Variants in SLC25A26 observed in about 807,000 individuals in gnomAD.
SLC25A26 encodes the protein solute carrier family 25 member 26.
In SLC25A26, 36 loss-of-function variants were observed where a neutral mutation model predicts 37.8. That is an observed-to-expected ratio of 0.95 (90% CI 0.73 to 1.26). The LOEUF (loss-of-function observed/expected upper bound fraction) is 1.26, where lower values mean the gene tolerates loss of function less well. Among genes scored for constraint, SLC25A26 ranks in the 50% most tolerant of loss-of-function variants. SLC25A26 has a pLI of 0.00. For synonymous variants in SLC25A26, 129 were observed against 122.5 expected (o/e 1.05, Z -0.35); for missense variants, 390 against 331.1 (o/e 1.18, Z -1.38).
At chr3:66,287,045 C>G (rs35709246) in intron 5 of SLC25A26, among the ~76,000 whole-genome samples, 56,534 of 151,926 alleles carry the variant, frequency 0.37, 12,452 homozygotes, top group East Asian at 0.64. Flanking sequence ...GCCTGCAATC[C>G]CAGTGCTTTG....
intron 1 of SLC25A26, 126 bp downstream of exon 1, chr3:66,221,253 C>A: frequency 9.2e-7 from 1 of 1,085,580 alleles, no homozygotes; most frequent in Non-Finnish European, 1.3e-6. Flanking sequence ...TACTGGCAGC[C>A]AGGTCTGAGA....
intron 9 of SLC25A26, chr3:66,371,275 C>T: frequency 1.3e-6 from 2 of 1,549,506 alleles, no homozygotes; most frequent in Non-Finnish European, 1.7e-6. Flanking sequence ...TCGGCAGCTG[C>T]CTGGACTTCG....
chr3:66,299,226 C>T (rs1200152982), intron 5 of SLC25A26, among the ~76,000 whole-genome samples: 1 of 152,178 alleles, frequency 6.6e-6, no homozygotes, highest in African/African-American at 2.4e-5. Context: ...AAGTTTCCCT[C>T]TGTCACCCAG....
At chr3:66,182,986 C>T (rs149008153) in intron 1 of SLC25A26, among the ~76,000 whole-genome samples, 41 of 152,140 alleles carry the variant, frequency 2.7e-4, no homozygotes, top group African/African-American at 9.4e-4. Flanking sequence ...GCAGGGGATG[C>T]GGAGGATCAA....
intron 1 of SLC25A26, among the ~76,000 whole-genome samples, chr3:66,209,262 G>A (rs1413849696): frequency 7.3e-6 from 1 of 137,902 alleles, no homozygotes; most frequent in Admixed American, 7.6e-5. Context: ...GTATATATAT[G>A]TGTGTATATA....
intron 1 of SLC25A26, among the ~76,000 whole-genome samples, chr3:66,189,765 G>A (rs2070901282): frequency 1.3e-5 from 2 of 152,028 alleles, no homozygotes; most frequent in African/African-American, 4.8e-5. Context: ...GGGCTCAAGC[G>A]ACTTTCCCTC....
chr3:66,365,003 A>G (rs954075394), intron 7 of SLC25A26, among the ~76,000 whole-genome samples: 2 of 152,204 alleles, frequency 1.3e-5, no homozygotes, highest in Non-Finnish European at 2.9e-5. Context: ...CTGTTGATCC[A>G]GAGGAGGTTA....
At chr3:66,371,740 C>T (rs1700355019) in intron 9 of SLC25A26, among the ~76,000 whole-genome samples, 1 of 152,058 alleles carries the variant, frequency 6.6e-6, no homozygotes, top group South Asian at 2.1e-4. Context: ...GCCAGTTCCA[C>T]AGCAAACAAA....
At chr3:66,346,322 C>G (rs1292823236) in intron 5 of SLC25A26, 42 bp from the exon 6 acceptor site, 3 of 1,195,402 alleles carry the variant, frequency 2.5e-6, no homozygotes, top group East Asian at 2.6e-5. Flanking sequence ...AAACTTGGCT[C>G]TTTTTTGCCT....
rs1385414195 is a variant in SLC25A26, at chr3:66,190,885, CTCTTA to C, written c.-353-29852_-353-29848del. On this transcript the variant is annotated intron_variant, in intron 1 of 10. Transcript: ENST00000676754. ...ATTTTCACATATATAGCATAGGTTC[CTCTTA>C]TCTTGTTCTGATTCACAGGAAGAAA... 2.3e-4 allele frequency among the ~76,000 whole-genome samples: 35 copies of C among 152,292 alleles called. 1 individual carries two copies. The South Asian group carries it at 6.6e-3, about 29-fold the overall frequency.
intron 6 of SLC25A26, among the ~76,000 whole-genome samples, chr3:66,347,309 C>A (rs537625131): frequency 6.6e-6 from 1 of 152,060 alleles, no homozygotes; most frequent in African/African-American, 2.4e-5. Context: ...AAAAAGTGAG[C>A]GAAGGACATG....
rs60242486 is a variant in SLC25A26, at chr3:66,370,007, C to G, written c.633+465C>G. ...GATAGAGAGTTGAAAGAATGCCATA[C>G]GTATAACATACCTGAACTGAACCAA... On this transcript the variant is annotated intron_variant, in intron 8 of 9. Transcript: ENST00000354883. Among the ~76,000 whole-genome samples, 128 of 152,218 alleles carry G rather than the reference C, an allele frequency of 8.4e-4. 1 individual carries two copies. Among genetic ancestry groups the G allele is most frequent in the African/African-American group, 3.0e-3 (125 of 41,492 alleles).
intron 1 of SLC25A26, among the ~76,000 whole-genome samples, chr3:66,208,718 G>GTATA (rs1274767065): frequency 2.2e-4 from 27 of 125,556 alleles, no homozygotes; most frequent in Admixed American, 5.9e-4. Context: ...ATTTATATGG[G>GTATA]TATATATATA....
chr3:66,165,120 T>C (rs2070408431), intron 1 of SLC25A26, among the ~76,000 whole-genome samples: 1 of 152,164 alleles, frequency 6.6e-6, no homozygotes, highest in African/African-American at 2.4e-5. Context: ...AAGGTGGCTG[T>C]CATATTGTGA....
At chr3:66,291,427 C>T (rs1056337282) in intron 5 of SLC25A26, among the ~76,000 whole-genome samples, 1 of 152,122 alleles carries the variant, frequency 6.6e-6, no homozygotes, top group African/African-American at 2.4e-5. Context: ...CCTGCTTTCT[C>T]CTGTTGGCAT....
At chr3:66,178,552 A>G (rs927967101) in intron 1 of SLC25A26, among the ~76,000 whole-genome samples, 1 of 151,774 alleles carries the variant, frequency 6.6e-6, no homozygotes, top group East Asian at 1.9e-4. Flanking sequence ...CACTTCCCTC[A>G]CTCTTACTTT....
At chr3:66,281,996 ATTTTT>A (rs71105977) in intron 5 of SLC25A26, among the ~76,000 whole-genome samples, 11 of 64,474 alleles carry the variant, frequency 1.7e-4, no homozygotes, top group African/African-American at 8.5e-4. Context: ...CTGATTTTGC[ATTTTT>A]TTTTTTTTTT....
intron 1 of SLC25A26, among the ~76,000 whole-genome samples, chr3:66,197,835 G>A: frequency 6.6e-6 from 1 of 152,236 alleles, no homozygotes. Context: ...TATAAAAATG[G>A]TGAATCTGAC....
At chr3:66,214,239 T>C (rs1439021978) in intron 1 of SLC25A26, among the ~76,000 whole-genome samples, 1 of 152,056 alleles carries the variant, frequency 6.6e-6, no homozygotes, top group Non-Finnish European at 1.5e-5. Context: ...TCTACCTCTC[T>C]CACCATGTGA....
Sources: allele counts gnomAD v4.1 joint callset (sites outside exome capture counted in the v4.1 genomes callset), GRCh38; gene constraint gnomAD v4.1.1; transcripts MANE v1.5; gene names NCBI Gene and HGNC (gene_info 2026-07-23, HGNC 2026-07-21).